Variants in RAI1 observed in about 807,000 individuals in gnomAD.
RAI1 encodes retinoic acid induced 1, also known as retinoic acid-induced protein 1.
RAI1 carries 9 observed loss-of-function variants against 123.8 expected under a neutral mutation model. That is an observed-to-expected ratio of 0.07 (90% CI 0.04 to 0.13). The LOEUF (loss-of-function observed/expected upper bound fraction) is 0.13, where lower values mean the gene tolerates loss of function less well. Among genes scored for constraint, RAI1 ranks in the 10% least tolerant of loss-of-function variants. The pLI is 1.00. For missense variants in RAI1, 2,256 were observed against 2,545.8 expected (o/e 0.89, Z 2.45); for synonymous variants, 1,231 against 1,127.3 (o/e 1.09, Z -1.84).
chr17:17,797,912 G>C lies in RAI1; in HGVS notation c.4964G>C (p.Gly1655Ala). ...GCCTCCCTGGCCACACTCCCTGGAG[G>C]CTCCATCCTGCAGCCGCGGCCCTCC... ...AGASLATLPG[G>A]SILQPRPSLP... is the part of the protein sequence containing the mutation. Residue 1655 changes from glycine (G) to alanine (A), a missense_variant, in exon 3 of 6, where the codon GGC (glycine) becomes GCC (alanine). Physicochemically the swap from Gly to Ala is moderately conservative, Grantham distance 60. Coordinates refer to ENST00000353383, the MANE Select transcript of RAI1 (RefSeq NM_030665.4). 6.2e-7 allele frequency: 1 copy of C among 1,613,888 alleles called. No individual in the cohort carries two copies. Among genetic ancestry groups the C allele is most frequent in the South Asian group, 1.1e-5 (1 of 91,082 alleles).
chr17:17,804,040 G>A lies in RAI1; in HGVS notation c.5659+191G>A, dbSNP rs191608256. 4.5e-5 allele frequency: 32 copies of A among 705,282 alleles called. No homozygotes were observed. The East Asian group carries it at 7.7e-4, about 17-fold the overall frequency. The allele number at this position is 705,282 out of a possible 1,614,324, so 43.7% of individuals were successfully genotyped here. ...TGGGCAATGCCAGGGACATGGAAAT[G>A]AGGCATTCCCCAGGCACCTGCTTGA... On this transcript the variant is annotated intron_variant, in intron 4 of 5. Coordinates refer to ENST00000353383, the MANE Select transcript of RAI1 (RefSeq NM_030665.4).
intron 1 of RAI1, chr17:17,684,315 C>T (rs1239657380): frequency 1.3e-5 from 2 of 152,094 alleles, no homozygotes; most frequent in Non-Finnish European, 2.9e-5. Context: ...AACTCCCTTA[C>T]TGTGTCTGCT....
At chr17:17,760,615 C>A (rs2142992216) in intron 2 of RAI1, among the ~76,000 whole-genome samples, 2 of 152,382 alleles carry the variant, frequency 1.3e-5, no homozygotes, top group Middle Eastern at 3.4e-3. Context: ...AAGGGTGTAT[C>A]TTTCCAGAGT....
At chr17:17,719,370 A>G (rs543092708) in intron 1 of RAI1, among the ~76,000 whole-genome samples, 2 of 152,196 alleles carry the variant, frequency 1.3e-5, no homozygotes, top group East Asian at 3.9e-4. Context: ...CCATTCCTCA[A>G]AAATCCCAGC....
rs996328329 is a variant in RAI1 at position 17,801,999 on chromosome 17, G to T, written c.5566-1757G>T. The T allele has an allele frequency of 1.5e-5, 7 of 463,166 alleles. No homozygotes were observed. The highest frequency in any genetic ancestry group is 3.1e-5 in the Non-Finnish European group (7 of 225,096). The allele number at this position is 463,166 out of a possible 1,614,324, so 28.7% of individuals were successfully genotyped here. ...GCTTCGCACTTGGGCAGAGGCCGCC[G>T]CCCTCTCTGCTGCCTTCTCTACCTC... On this transcript the variant is annotated intron_variant, in intron 3 of 5. Transcript: ENST00000353383. This position sits in a 1 kb window ranked among gnomAD's most constrained non-coding sequence, Gnocchi z 4.1.
intron 1 of RAI1, among the ~76,000 whole-genome samples, chr17:17,720,613 C>G (rs1425336705): frequency 3.3e-5 from 5 of 152,228 alleles, no homozygotes; most frequent in Non-Finnish European, 5.9e-5. Flanking sequence ...TTCTGCTGCA[C>G]TGCCACACGC....
intron 2 of RAI1, among the ~76,000 whole-genome samples, chr17:17,749,126 G>A (rs925602670): frequency 1.3e-5 from 2 of 152,196 alleles, no homozygotes; most frequent in Non-Finnish European, 2.9e-5. Context: ...GCTGAATGGC[G>A]GCCAGCATCT....
chr17:17,783,292 C>T (rs983656843), intron 2 of RAI1, among the ~76,000 whole-genome samples: 2 of 151,910 alleles, frequency 1.3e-5, no homozygotes, highest in African/African-American at 2.4e-5. Context: ...GGCGGGCGCG[C>T]TGCCGGCAGA....
At chr17:17,718,663 A>G (rs1915785717) in intron 1 of RAI1, among the ~76,000 whole-genome samples, 1 of 147,970 alleles carries the variant, frequency 6.8e-6, no homozygotes, top group African/African-American at 2.7e-5. Flanking sequence ...AACCGGATCC[A>G]TGGGGGCAGG....
chr17:17,805,207 C>T (rs1450133153), intron 4 of RAI1, among the ~76,000 whole-genome samples: 1 of 152,180 alleles, frequency 6.6e-6, no homozygotes, highest in Non-Finnish European at 1.5e-5. Context: ...TGGTTGATAC[C>T]TCTGCACACA....
Position 17,809,770 on chromosome 17 carries a change from G to A in RAI1, c.5710-200G>A, listed in dbSNP as rs1229968920. The stretch of plus-strand genomic sequence containing the variant: ...GGCGGGGGCGCGGGACGGTGGCACG[G>A]AGCTGAAGGCGAAGGTGAAGGTGAA... On this transcript the variant is annotated intron_variant, in intron 5 of 5. Coordinates refer to ENST00000353383, the MANE Select transcript of RAI1 (RefSeq NM_030665.4). The surrounding 1 kb of genome is among the most constrained non-coding windows in gnomAD (Gnocchi z 4.9). 6.6e-6 allele frequency among the ~76,000 whole-genome samples: 1 copy of A among 152,160 alleles called. No individual in the cohort carries two copies. Among genetic ancestry groups the A allele is most frequent in the Non-Finnish European group, 1.5e-5 (1 of 68,006 alleles).
intron 1 of RAI1, among the ~76,000 whole-genome samples, chr17:17,706,079 T>G (rs1915385736): frequency 6.7e-6 from 1 of 148,714 alleles, no homozygotes; most frequent in African/African-American, 2.5e-5. Context: ...CTTGACCACC[T>G]GTTTCATAGG....
intron 1 of RAI1, among the ~76,000 whole-genome samples, chr17:17,723,551 C>T (rs940462505): frequency 2.0e-5 from 3 of 151,012 alleles, no homozygotes; most frequent in South Asian, 2.1e-4. Flanking sequence ...TCACACCCCC[C>T]GTCCCTAAGC....
chr17:17,793,357 G>A lies in RAI1; in HGVS notation c.409G>A (p.Gly137Arg). Residue 137 changes from glycine to arginine, a missense_variant, in exon 3 of 6, where the codon GGG (glycine) becomes AGG (arginine). By Grantham distance (125) the Gly-to-Arg change is moderately radical. Transcript: ENST00000353383. ...CCCACAGCCGCAGCCACTACCTGCA[G>A]GGGTGGCCAAGTATGATGAGAACTT... is the stretch of plus-strand genomic sequence containing the variant. ...PPPQPQPLPAGVAKYDENLMK... is the reference protein window; with the variant it reads ...PPPQPQPLPARVAKYDENLMK... 2 of 1,613,086 alleles carry A rather than the reference G, an allele frequency of 1.2e-6. No homozygotes were observed. Among genetic ancestry groups the A allele is most frequent in the Middle Eastern group, 3.3e-4 (2 of 6,054 alleles).
intron 1 of RAI1, among the ~76,000 whole-genome samples, chr17:17,687,143 C>T (rs963672177): frequency 1.3e-5 from 2 of 152,096 alleles, no homozygotes; most frequent in Non-Finnish European, 2.9e-5. Context: ...CCACCACGCC[C>T]GGCTAGTTGA....
Position 17,796,709 on chromosome 17 carries a change from A to G in RAI1, c.3761A>G (p.Asn1254Ser), listed in dbSNP as rs141204901. ...AGCAGCAGCAGCAACGCCAGTGGCA[A>G]TGGGGGAGATGGGAAGGAGGAGAGG... ...RSSSSSNASG[N>S]GGDGKEERPE... Residue 1254 changes from asparagine (N) to serine (S), a missense_variant, in exon 3 of 6, where the codon AAT becomes AGT. By Grantham distance (46) the Asn-to-Ser change is conservative. Coordinates refer to ENST00000353383, the MANE Select transcript of RAI1 (RefSeq NM_030665.4). This position sits in a 1 kb window ranked among gnomAD's most constrained non-coding sequence, Gnocchi z 5.8. The G allele has an allele frequency of 2.8e-5, 45 of 1,613,346 alleles. No homozygotes were observed. The highest frequency in any genetic ancestry group is 2.7e-4 in the Admixed American group (16 of 59,990).
chr17:17,726,709 T>C (rs1254294393), intron 2 of RAI1, among the ~76,000 whole-genome samples: 2 of 142,992 alleles, frequency 1.4e-5, no homozygotes, highest in Non-Finnish European at 1.5e-5. Context: ...TATTGTAAAA[T>C]AGCATTCACA....
At position 17,795,094 on chromosome 17, in the gene RAI1, G is replaced by A; in HGVS notation, c.2146G>A (p.Val716Ile). ...CTTTGGTACCAAGCCCACCCTTGGG[G>A]TTCCTGCTCCAGACCCCACTACAGC... ...LSFGTKPTLGVPAPDPTTAAF... is the reference protein window; with the variant it reads ...LSFGTKPTLGIPAPDPTTAAF... Residue 716 changes from valine (V) to isoleucine (I), a missense_variant, in exon 3 of 6, where the codon GTT becomes ATT. By Grantham distance (29) the Val-to-Ile change is conservative (BLOSUM62 3). Coordinates refer to ENST00000353383, the MANE Select transcript of RAI1 (RefSeq NM_030665.4). This position sits in a 1 kb window ranked among gnomAD's most constrained non-coding sequence, Gnocchi z 5.9. 3 of 1,614,110 alleles carry A rather than the reference G, an allele frequency of 1.9e-6. No individual in the cohort carries two copies. The highest frequency in any genetic ancestry group is 2.5e-6 in the Non-Finnish European group (3 of 1,180,040).
At chr17:17,781,218 G>T (rs1289585538) in intron 2 of RAI1, among the ~76,000 whole-genome samples, 1 of 152,204 alleles carries the variant, frequency 6.6e-6, no homozygotes, top group Admixed American at 6.5e-5. Context: ...TCCTTTCTCA[G>T]CCCACCACTT....
Sources: allele counts gnomAD v4.1 joint callset (sites outside exome capture counted in the v4.1 genomes callset), GRCh38; gene constraint gnomAD v4.1.1; non-coding constraint Gnocchi (gnomAD v3.1); transcripts MANE v1.5; gene names NCBI Gene and HGNC (gene_info 2026-07-23, HGNC 2026-07-21).